Variants in CSGALNACT1 observed in about 807,000 individuals in gnomAD.
The protein encoded by CSGALNACT1 is beta4GalNAcT-1.
Under a neutral mutation model 51.0 loss-of-function variants are expected in CSGALNACT1, and 52 were observed. The ratio of observed to expected loss-of-function variants is 1.02; its 90% confidence interval spans 0.82 to 1.29. The LOEUF (loss-of-function observed/expected upper bound fraction) is 1.29, where lower values mean the gene tolerates loss of function less well. CSGALNACT1 is among the 50% of genes most tolerant of loss of function. The pLI is 0.00. For synonymous variants in CSGALNACT1, 341 were observed against 254.4 expected (o/e 1.34, Z -3.24); for missense variants, 935 against 679.2 (o/e 1.38, Z -4.19).
At chr8:19,440,157 A>G (rs1035634422) in intron 5 of CSGALNACT1, among the ~76,000 whole-genome samples, 8 of 152,168 alleles carry the variant, frequency 5.3e-5, no homozygotes, top group African/African-American at 1.7e-4. Context: ...CAGTAAATCA[A>G]AACTCTGATG....
At chr8:19,710,472 T>C (rs2062437146) in intron 1 of CSGALNACT1, among the ~76,000 whole-genome samples, 1 of 152,222 alleles carries the variant, frequency 6.6e-6, no homozygotes. Flanking sequence ...AATCGTGGCT[T>C]CTTCTGAGGA....
intron 1 of CSGALNACT1, among the ~76,000 whole-genome samples, chr8:19,733,856 G>A (rs2063821984): frequency 6.6e-6 from 1 of 151,962 alleles, no homozygotes; most frequent in Non-Finnish European, 1.5e-5. Context: ...AACCTCTGCT[G>A]CCATCCCTGA....
At chr8:19,740,448 C>G (rs34909571) in intron 1 of CSGALNACT1, among the ~76,000 whole-genome samples, 25,264 of 152,228 alleles carry the variant, frequency 0.17, 2,230 homozygotes, top group Middle Eastern at 0.31. Context: ...GACGGGCGCA[C>G]AGCAGAGGCT....
At chr8:19,655,525 A>T (rs190894854) in intron 1 of CSGALNACT1, among the ~76,000 whole-genome samples, 1 of 90,520 alleles carries the variant, frequency 1.1e-5, no homozygotes, top group South Asian at 3.4e-4. Flanking sequence ...ATTCCCCACT[A>T]ATTTTTACAT....
chr8:19,676,623 C>T (rs931198533), intron 1 of CSGALNACT1, among the ~76,000 whole-genome samples: 1 of 152,012 alleles, frequency 6.6e-6, no homozygotes, highest in African/African-American at 2.4e-5. Context: ...TAAGAAGGAA[C>T]AGAGGAAGAA....
intron 1 of CSGALNACT1, among the ~76,000 whole-genome samples, chr8:19,635,721 T>C (rs2055954139): frequency 6.6e-6 from 1 of 152,160 alleles, no homozygotes; most frequent in South Asian, 2.1e-4. Flanking sequence ...TCCACTTCCC[T>C]TTTCAGCTTT....
chr8:19,566,037 G>A (rs1160759463), intron 3 of CSGALNACT1, among the ~76,000 whole-genome samples: 1 of 152,198 alleles, frequency 6.6e-6, no homozygotes, highest in Non-Finnish European at 1.5e-5. Flanking sequence ...GATGGCTGGT[G>A]GCCTCGAAAA....
chr8:19,666,317 C>G (rs1279594631), intron 1 of CSGALNACT1, among the ~76,000 whole-genome samples: 1 of 152,166 alleles, frequency 6.6e-6, no homozygotes, highest in Non-Finnish European at 1.5e-5. Flanking sequence ...CAAAATCAAA[C>G]AACTTGCTCC....
intron 4 of CSGALNACT1, among the ~76,000 whole-genome samples, chr8:19,493,939 T>C (rs78444043): frequency 0.038 from 5,755 of 152,024 alleles, 169 homozygotes; most frequent in East Asian, 0.14. Flanking sequence ...ACATGGCTAC[T>C]CTGTGTTTAA....
At chr8:19,583,958 C>T (rs17128707) in intron 3 of CSGALNACT1, among the ~76,000 whole-genome samples, 15,134 of 152,194 alleles carry the variant, frequency 0.099, 873 homozygotes, top group African/African-American at 0.17. Context: ...GCAGCCTTTG[C>T]GGCATGTTTA....
At chr8:19,713,772 C>T (rs1382543126) in intron 1 of CSGALNACT1, among the ~76,000 whole-genome samples, 2 of 152,138 alleles carry the variant, frequency 1.3e-5, no homozygotes, top group Non-Finnish European at 2.9e-5. Context: ...GACATCCAGC[C>T]TCGAGATCTG....
chr8:19,618,662 A>G (rs970983148), intron 1 of CSGALNACT1, among the ~76,000 whole-genome samples: 4 of 142,758 alleles, frequency 2.8e-5, no homozygotes, highest in Non-Finnish European at 6.2e-5. Context: ...AAAAAGAAAG[A>G]AAGAAAGAAA....
chr8:19,618,124 C>T (rs564191238), intron 1 of CSGALNACT1, among the ~76,000 whole-genome samples: 3 of 152,116 alleles, frequency 2.0e-5, no homozygotes, highest in African/African-American at 7.2e-5. Flanking sequence ...AGTGGTCCTT[C>T]TGCCTCACCC....
intron 5 of CSGALNACT1, 114 bp from the exon 5 acceptor site, chr8:19,440,045 TC>T: frequency 1.2e-6 from 1 of 834,954 alleles, no homozygotes; most frequent in Non-Finnish European, 2.0e-6. Context: ...TAGGTAAACT[TC>T]CAGGAGAGCC....
chr8:19,672,626 G>C (rs1366284469), intron 1 of CSGALNACT1, among the ~76,000 whole-genome samples: 2 of 152,150 alleles, frequency 1.3e-5, no homozygotes, highest in African/African-American at 4.8e-5. Flanking sequence ...GTCACTTATA[G>C]ATGACATTTA....
chr8:19,432,802 T>G (rs2059832241), intron 6 of CSGALNACT1, among the ~76,000 whole-genome samples: 1 of 152,200 alleles, frequency 6.6e-6, no homozygotes, highest in African/African-American at 2.4e-5. Flanking sequence ...ACTTCCTTGT[T>G]GATATTCTGT....
At chr8:19,565,532 A>G (rs886409926) in intron 3 of CSGALNACT1, among the ~76,000 whole-genome samples, 15 of 152,276 alleles carry the variant, frequency 9.9e-5, no homozygotes, top group Non-Finnish European at 1.5e-5. Flanking sequence ...AAAATAAACA[A>G]GAAGTTCAAA....
At chr8:19,476,553 T>C (rs549358098) in intron 4 of CSGALNACT1, among the ~76,000 whole-genome samples, 2 of 152,230 alleles carry the variant, frequency 1.3e-5, no homozygotes, top group South Asian at 4.1e-4. Flanking sequence ...CCCCAATATT[T>C]TTTTTCAAAT....
At chr8:19,457,129 A>G (rs946349909) in intron 5 of CSGALNACT1, among the ~76,000 whole-genome samples, 18 of 152,228 alleles carry the variant, frequency 1.2e-4, no homozygotes, top group Non-Finnish European at 2.4e-4. Context: ...GACAGTCTCA[A>G]TTAAGGGAAG....
Sources: allele counts gnomAD v4.1 joint callset (sites outside exome capture counted in the v4.1 genomes callset), GRCh38; gene constraint gnomAD v4.1.1; transcripts MANE v1.5; gene names NCBI Gene and HGNC (gene_info 2026-07-23, HGNC 2026-07-21).